Variants in MGA observed in about 807,000 individuals in gnomAD.
The protein encoded by MGA is MAX gene-associated protein.
MGA carries 40 observed loss-of-function variants against 261.1 expected under a neutral mutation model. That is an observed-to-expected ratio of 0.15 (90% confidence interval 0.12 to 0.20). The LOEUF is 0.20. Among genes scored for constraint, MGA ranks in the 10% least tolerant of loss-of-function variants. The pLI, the probability that MGA is intolerant of heterozygous loss-of-function variation, is 1.00. For synonymous variants in MGA, 1,302 were observed against 1,290.6 expected (o/e 1.01, Z -0.19); for missense variants, 3,397 against 3,630.5 (o/e 0.94, Z 1.65).
chr15:41,678,627 C>T (rs1187864868), intron 2 of MGA, among the ~76,000 whole-genome samples: 1 of 151,522 alleles, frequency 6.6e-6, no homozygotes, highest in Non-Finnish European at 1.5e-5. Flanking sequence ...ATTATCCGGG[C>T]ATGGTGGCGC....
intron 22 of MGA, among the ~76,000 whole-genome samples, chr15:41,763,174 A>G (rs2063589320): frequency 7.7e-6 from 1 of 129,326 alleles, no homozygotes; most frequent in African/African-American, 3.0e-5. Context: ...ATCTTGGCTC[A>G]CTGCAAGCTC....
rs1398372636 is a variant in MGA, at chr15:41,722,192, C to G, written c.3431-4988C>G. Among the ~76,000 whole-genome samples, 4 of 140,370 alleles carry G rather than the reference C, an allele frequency of 2.8e-5. No individual in the cohort carries two copies. In the East Asian group the frequency reaches 8.8e-4, roughly 31 times the overall value. 92.1% of individuals were successfully genotyped at this position (140,370 alleles called of 152,430 possible). On this transcript the variant is annotated intron_variant, in intron 9 of 23. Transcript: ENST00000219905. The stretch of plus-strand genomic sequence containing the variant: ...TCGCCCAGGCTGGAGTGCAGTGGTG[C>G]GACCTCGGCTCACTGCAAACTCCGC...
At chr15:41,755,021 A>G (rs2063064404) in intron 18 of MGA, among the ~76,000 whole-genome samples, 1 of 152,214 alleles carries the variant, frequency 6.6e-6, no homozygotes, top group South Asian at 2.1e-4. Context: ...ATTACATTCT[A>G]AATTTGGTTA....
chr15:41,676,722 A>C (rs551687164), intron 2 of MGA, among the ~76,000 whole-genome samples: 1 of 152,332 alleles, frequency 6.6e-6, no homozygotes, highest in African/African-American at 2.4e-5. Flanking sequence ...CATTTTTTAT[A>C]TACTTTTGCA....
intron 8 of MGA, among the ~76,000 whole-genome samples, chr15:41,712,127 A>T (rs981744638): frequency 6.6e-6 from 1 of 152,158 alleles, no homozygotes; most frequent in African/African-American, 2.4e-5. Context: ...TTTATATTTT[A>T]GAAGTTTTAT....
chr15:41,703,082 A>T (rs1233694034), intron 5 of MGA, among the ~76,000 whole-genome samples: 1 of 152,024 alleles, frequency 6.6e-6, no homozygotes, highest in Non-Finnish European at 1.5e-5. Flanking sequence ...AGATTTCCTT[A>T]GTTTTTACCC....
intron 1 of MGA, among the ~76,000 whole-genome samples, chr15:41,653,007 C>T (rs1409514825): frequency 6.6e-6 from 1 of 152,104 alleles, no homozygotes; most frequent in South Asian, 2.1e-4. Context: ...ATATAATTTG[C>T]ACCGCATTCA....
At chr15:41,659,741 G>A (rs1190508050), upstream of MGA, among the ~76,000 whole-genome samples, 1 of 152,218 alleles carries the variant, frequency 6.6e-6, no homozygotes, top group Non-Finnish European at 1.5e-5. Context: ...ACACACTCCT[G>A]CATCGTTTCC....
chr15:41,721,535 C>T (rs998082561), intron 9 of MGA, among the ~76,000 whole-genome samples: 1 of 152,104 alleles, frequency 6.6e-6, no homozygotes, highest in African/African-American at 2.4e-5. Flanking sequence ...AAGGTGTCTA[C>T]AAATTAATAA....
chr15:41,669,114 G>A lies in MGA; in HGVS notation c.220G>A (p.Gly74Arg). 1 of 1,611,288 alleles carries A rather than the reference G, an allele frequency of 6.2e-7. No individual in the cohort carries two copies. Among genetic ancestry groups the A allele is most frequent in the Non-Finnish European group, 8.5e-7 (1 of 1,177,588 alleles). ...CCTTCCAGCTGATTGTACTGTGGGT[G>A]GAATCACTGTTACCCTCGATAACAA... Residue 74 changes from glycine (G) to arginine (R), a missense_variant, in exon 2 of 24, where the codon GGA (glycine) becomes AGA (arginine). Physicochemically the swap from Gly to Arg is moderately radical, Grantham distance 125. This residue lies in a region of MGA where 81 missense variants were observed against 84.3 expected (regional missense o/e 0.96). Coordinates refer to ENST00000219905, the MANE Select transcript of MGA (RefSeq NM_001164273.2).
chr15:41,767,009 G>A lies in MGA; in HGVS notation c.8927G>A (p.Ser2976Asn), dbSNP rs755748758. 3.7e-6 allele frequency: 6 copies of A among 1,613,898 alleles called. No homozygotes were observed. The East Asian group carries it at 1.3e-4, about 36-fold the overall frequency. Residue 2976 changes from serine to asparagine, a missense_variant, in exon 24 of 24, where the codon AGC becomes AAC. Coordinates refer to ENST00000219905, the MANE Select transcript of MGA (RefSeq NM_001164273.2). ...CACATGAAGACTGGCTTGGAGAACA[G>A]CAACAGCACAGACACTTTGTGGAGG...
At chr15:41,629,177 T>C (rs550843590) in intron 1 of MGA, among the ~76,000 whole-genome samples, 1 of 148,774 alleles carries the variant, frequency 6.7e-6, no homozygotes, top group African/African-American at 2.5e-5. Context: ...GTGAGGTAGA[T>C]AAAGATAGAT....
At position 41,710,784 on chromosome 15, in the gene MGA, C is replaced by T; in HGVS notation, c.2519C>T (p.Thr840Ile). The T allele has an allele frequency of 6.2e-7, 1 of 1,613,912 alleles. No homozygotes were observed. Among genetic ancestry groups the T allele is most frequent in the Non-Finnish European group, 8.5e-7 (1 of 1,179,854 alleles). The change falls in exon 8 of 24, where the codon ACA becomes ATA. Residue 840 changes from threonine to isoleucine, a missense_variant. Transcript: ENST00000219905. ...GAAAATGAAGGCAAGCTGATGGAAA[C>T]AAGCATGGGTTTTTCTTCTAATGCT...
chr15:41,662,120 C>T (rs1356565730), intron 1 of MGA, among the ~76,000 whole-genome samples: 3 of 152,056 alleles, frequency 2.0e-5, no homozygotes, highest in African/African-American at 7.2e-5. Flanking sequence ...TGTTTCTTGC[C>T]GCCAACGGTT....
rs182408435 is a variant in MGA, at chr15:41,766,218, G to A, written c.8136G>A (p.Thr2712=). 9.2e-4 allele frequency: 1,491 copies of A among 1,613,942 alleles called. 27 individuals carry two copies. The South Asian group carries it at 0.016, about 17-fold the overall frequency. Residue 2712 remains threonine (T), a synonymous_variant, in exon 24 of 24, where the codon ACG becomes ACA. Transcript: ENST00000219905. ...GAGGAAACAGAGATGGCAGAGTGACGTTGGGTCCAACGCAGGTTTTTCTGG... is the reference window on the plus strand; with the variant it reads ...GAGGAAACAGAGATGGCAGAGTGACATTGGGTCCAACGCAGGTTTTTCTGG...
intron 18 of MGA, 116 bp downstream of exon 18, chr15:41,754,683 T>C: frequency 8.2e-7 from 1 of 1,218,678 alleles, no homozygotes. Context: ...CCTCTAGCTT[T>C]TTTTCTGATT....
chr15:41,659,242 A>AAG (rs1208398571), upstream of MGA, among the ~76,000 whole-genome samples: 4 of 152,226 alleles, frequency 2.6e-5, no homozygotes, highest in Non-Finnish European at 5.9e-5. Context: ...TCTCCTCAGG[A>AAG]AGAGCAAAGT....
chr15:41,687,005 A>G (rs978875440), intron 2 of MGA, among the ~76,000 whole-genome samples: 14 of 151,396 alleles, frequency 9.2e-5, no homozygotes, highest in Non-Finnish European at 1.9e-4. Context: ...TGTTTTCTGT[A>G]TGTGCTGAGT....
At chr15:41,713,568 C>T in intron 9 of MGA, 72 bp downstream of exon 9, 2 of 1,424,778 alleles carry the variant, frequency 1.4e-6, no homozygotes. Flanking sequence ...TAGAATAATA[C>T]AACCTACCTT....
Sources: gnomAD v4.1 joint callset for allele counts (sites outside exome capture counted in the v4.1 genomes callset) on GRCh38, gnomAD v4.1.1 for gene constraint, gnomAD v4.1.1 regional missense constraint, MANE v1.5 for transcripts, NCBI Gene and HGNC (gene_info 2026-07-23, HGNC 2026-07-21) for gene names.